The following TTC7B variants were observed in gnomAD, a reference collection of about 807,000 sequenced individuals.
The protein encoded by TTC7B is tetratricopeptide repeat domain 7B, also known as tetratricopeptide repeat protein 7B.
TTC7B carries 28 observed loss-of-function variants against 106.8 expected under a neutral mutation model. The ratio of observed to expected loss-of-function variants is 0.26; its 90% CI spans 0.19 to 0.36. TTC7B has a LOEUF of 0.36. Among genes scored for constraint, TTC7B ranks in the 10% least tolerant of loss-of-function variants. TTC7B has a pLI of 1.00. For missense variants in TTC7B, 862 were observed against 1,076.4 expected, an observed-to-expected ratio of 0.80 and a Z score of 2.79; for synonymous variants, 405 against 430.6, an observed-to-expected ratio of 0.94 and a Z score of 0.74.
chr14:90,560,053 G>A (rs574011698), intron 19 of TTC7B, among the ~76,000 whole-genome samples: 1 of 152,338 alleles, frequency 6.6e-6, no homozygotes, highest in African/African-American at 2.4e-5. Flanking sequence ...TGTGCCCCAG[G>A]AGCCCCGGGT....
rs549922723 is a variant in TTC7B, at chr14:90,802,684, G to A, written c.121+13491C>T. Among the ~76,000 whole-genome samples, 156 of 152,018 alleles carry A rather than the reference G, an allele frequency of 1.0e-3. No homozygotes were observed. Among genetic ancestry groups the A allele is most frequent in the Non-Finnish European group, 1.6e-3 (107 of 67,962 alleles). On this transcript the variant is annotated intron_variant, in intron 1 of 19. Transcript: ENST00000328459. The surrounding 1 kb of genome is among the most constrained non-coding windows in gnomAD (Gnocchi z 4.7). Reference sequence around the variant, plus strand: ...ACTGAAGAGCGGCGGTGCTCCTCCCGGTCTTTGGTCACCATTTGCAAGTAG... The same window carrying A: ...ACTGAAGAGCGGCGGTGCTCCTCCCAGTCTTTGGTCACCATTTGCAAGTAG...
intron 18 of TTC7B, among the ~76,000 whole-genome samples, chr14:90,593,117 C>A (rs957763325): frequency 2.6e-5 from 4 of 152,330 alleles, no homozygotes; most frequent in Middle Eastern, 6.8e-3. Context: ...TACTTTAACT[C>A]AAATCTACCC....
intron 9 of TTC7B, among the ~76,000 whole-genome samples, chr14:90,667,577 A>C (rs977264461): frequency 2.0e-5 from 3 of 152,222 alleles, no homozygotes; most frequent in Admixed American, 6.5e-5. Flanking sequence ...AGTTGTACTC[A>C]TTATATTTTG....
chr14:90,797,949 G>A (rs1460576879), intron 1 of TTC7B, among the ~76,000 whole-genome samples: 1 of 152,210 alleles, frequency 6.6e-6, no homozygotes, highest in Non-Finnish European at 1.5e-5. Flanking sequence ...GAAAGGCCAT[G>A]TCTTCACGTT....
At chr14:90,555,314 AC>A (rs1890256244) in intron 19 of TTC7B, among the ~76,000 whole-genome samples, 1 of 152,232 alleles carries the variant, frequency 6.6e-6, no homozygotes, top group Non-Finnish European at 1.5e-5. Context: ...TCTGCCTGGC[AC>A]TGCAGGCCCT....
chr14:90,619,510 CT>C (rs1189341904), intron 15 of TTC7B, among the ~76,000 whole-genome samples: 3 of 152,164 alleles, frequency 2.0e-5, no homozygotes, highest in African/African-American at 7.2e-5. Flanking sequence ...GTTTTAACCC[CT>C]TATCTTCTCT....
At chr14:90,719,852 T>A (rs1365644513) in intron 5 of TTC7B, among the ~76,000 whole-genome samples, 1 of 152,136 alleles carries the variant, frequency 6.6e-6, no homozygotes, top group Non-Finnish European at 1.5e-5. Context: ...AGGAGTAAAA[T>A]AAAGCAGAGA....
chr14:90,767,036 A>G (rs1890709120), intron 3 of TTC7B: 1 of 831,558 alleles, frequency 1.2e-6, no homozygotes, highest in Non-Finnish European at 1.8e-6. Flanking sequence ...ACCAAAAAAA[A>G]AAAAAAAAAG....
chr14:90,773,577 A>G (rs1390852280), intron 3 of TTC7B, among the ~76,000 whole-genome samples: 1 of 152,030 alleles, frequency 6.6e-6, no homozygotes, highest in Admixed American at 6.5e-5. Flanking sequence ...ACCATGCCAG[A>G]CTCTCCATCA....
At chr14:90,712,326 G>A (rs944714269) in intron 5 of TTC7B, among the ~76,000 whole-genome samples, 4 of 152,272 alleles carry the variant, frequency 2.6e-5, no homozygotes, top group Admixed American at 6.5e-5. Context: ...AAAAGGGATC[G>A]AGATTGAACA....
intron 18 of TTC7B, among the ~76,000 whole-genome samples, chr14:90,585,168 C>T (rs550032551): frequency 6.6e-6 from 1 of 152,334 alleles, no homozygotes; most frequent in African/African-American, 2.4e-5. Flanking sequence ...AAGGCCCAGC[C>T]AAATGTCTTT....
chr14:90,748,718 T>C (rs1225402132), intron 3 of TTC7B, among the ~76,000 whole-genome samples: 1 of 152,206 alleles, frequency 6.6e-6, no homozygotes, highest in East Asian at 1.9e-4. Flanking sequence ...CAGCCTTTAT[T>C]ATCTTATGTA....
rs1443877548 is a variant in TTC7B, at chr14:90,577,534, C to T, written c.2310+572G>A. The stretch of plus-strand genomic sequence containing the variant: ...TGCACTCGTTGAGCGCCGCCACACC[C>T]CTGTGCAGTGTGGACACTAGGGTGA... On this transcript the variant is annotated intron_variant, in intron 19 of 19. Coordinates refer to ENST00000328459, the MANE Select transcript of TTC7B (RefSeq NM_001010854.2). This position sits in a 1 kb window ranked among gnomAD's most constrained non-coding sequence, Gnocchi z 5.0. 6.6e-6 allele frequency among the ~76,000 whole-genome samples: 1 copy of T among 152,192 alleles called. No individual in the cohort carries two copies. The highest frequency in any genetic ancestry group is 1.5e-5 in the Non-Finnish European group (1 of 68,032).
chr14:90,765,501 G>A (rs1465275884), intron 3 of TTC7B, among the ~76,000 whole-genome samples: 1 of 152,128 alleles, frequency 6.6e-6, no homozygotes, highest in Non-Finnish European at 1.5e-5. Flanking sequence ...TATTTAAAAA[G>A]CTATAAACAG....
chr14:90,694,407 A>G (rs2139944125), intron 6 of TTC7B, among the ~76,000 whole-genome samples: 1 of 152,192 alleles, frequency 6.6e-6, no homozygotes, highest in South Asian at 2.1e-4. Flanking sequence ...GGTGATTAAG[A>G]TGTCCTGAAA....
chr14:90,634,197 C>T (rs1426055084), intron 15 of TTC7B, among the ~76,000 whole-genome samples: 3 of 152,116 alleles, frequency 2.0e-5, no homozygotes, highest in Admixed American at 1.3e-4. Flanking sequence ...TTTTCCCAAA[C>T]TTACAGTGTG....
chr14:90,601,910 G>A, intron 17 of TTC7B: 1 of 314,040 alleles, frequency 3.2e-6, no homozygotes, highest in South Asian at 2.8e-5. Flanking sequence ...CGAGTTGCCG[G>A]GTGACTCCAG....
chr14:90,601,884 G>C (rs1566792296), intron 17 of TTC7B: 4 of 311,792 alleles, frequency 1.3e-5, no homozygotes, highest in Non-Finnish European at 1.3e-5. Flanking sequence ...AGGAAATGAG[G>C]CCCAGGGCGA....
In TTC7B at chr14:90,673,975, C is replaced by G. The variant is rs76379807; in HGVS notation, c.1152+2548G>C. ...TGGCTGCTTAATGGGTATAGGGTTT[C>G]TTATAGGGTGAGGAAAAGGTTTTGC... On this transcript the variant is annotated intron_variant, in intron 9 of 19. Coordinates refer to ENST00000328459, the MANE Select transcript of TTC7B (RefSeq NM_001010854.2). 5.0e-3 allele frequency among the ~76,000 whole-genome samples: 757 copies of G among 151,990 alleles called. 6 individuals carry two copies. Among genetic ancestry groups the G allele is most frequent in the African/African-American group, 0.017 (700 of 41,428 alleles).
Sources: allele counts gnomAD v4.1 joint callset (sites outside exome capture counted in the v4.1 genomes callset), GRCh38; gene constraint gnomAD v4.1.1; non-coding constraint Gnocchi (gnomAD v3.1); transcripts MANE v1.5; gene names NCBI Gene and HGNC (gene_info 2026-07-23, HGNC 2026-07-21).